Variants in SPSB4 observed in about 807,000 individuals in gnomAD.
SPSB4 encodes the protein SPRY domain-containing SOCS box protein 4.
Under a neutral mutation model 20.9 loss-of-function variants are expected in SPSB4, and 21 were observed. That is an observed-to-expected ratio of 1.01 (90% CI 0.71 to 1.45). The LOEUF (loss-of-function observed/expected upper bound fraction) is 1.45, where lower values mean the gene tolerates loss of function less well. SPSB4 is among the 40% of genes most tolerant of loss of function. SPSB4 has a pLI of 0.00. For missense variants in SPSB4, 399 were observed against 399.2 expected (o/e 1.00, Z 0.00); for synonymous variants, 207 against 183.8 (o/e 1.13, Z -1.02).
At chr3:141,067,021 T>C (rs1166562997) in intron 2 of SPSB4, among the ~76,000 whole-genome samples, 2 of 152,180 alleles carry the variant, frequency 1.3e-5, no homozygotes, top group African/African-American at 2.4e-5. Context: ...TAGCTCACAG[T>C]TGTAACGATC....
intron 1 of SPSB4, among the ~76,000 whole-genome samples, chr3:141,064,742 G>A (rs748019390): frequency 5.9e-5 from 9 of 152,148 alleles, no homozygotes; most frequent in Non-Finnish European, 1.0e-4. Context: ...GGAGGGGAGG[G>A]CACACGCCTC....
At chr3:141,059,735 G>C (rs950879736) in intron 1 of SPSB4, among the ~76,000 whole-genome samples, 3 of 152,172 alleles carry the variant, frequency 2.0e-5, no homozygotes, top group African/African-American at 7.2e-5. Context: ...TCAGTTCATA[G>C]CCAGGCACAT....
chr3:141,146,978 A>G (rs1216988242), intron 2 of SPSB4, among the ~76,000 whole-genome samples, 164 bp from the exon 3 acceptor site: 1 of 152,132 alleles, frequency 6.6e-6, no homozygotes, highest in East Asian at 1.9e-4. Flanking sequence ...ACACTCCTCT[A>G]GGCCTTCAGC....
At chr3:141,117,657 A>C (rs1938898299) in intron 2 of SPSB4, among the ~76,000 whole-genome samples, 1 of 152,062 alleles carries the variant, frequency 6.6e-6, no homozygotes, top group African/African-American at 2.4e-5. Flanking sequence ...TATAGCCCCC[A>C]TCCCCCGCCC....
chr3:141,100,456 G>C (rs980381952), intron 2 of SPSB4, among the ~76,000 whole-genome samples: 5 of 152,180 alleles, frequency 3.3e-5, no homozygotes, highest in African/African-American at 1.2e-4. Context: ...GAAAGTCAAA[G>C]ATTGCCGGTA....
At chr3:141,086,384 T>C (rs1197474331) in intron 2 of SPSB4, among the ~76,000 whole-genome samples, 1 of 152,224 alleles carries the variant, frequency 6.6e-6, no homozygotes, top group Non-Finnish European at 1.5e-5. Context: ...TTGCTTGCTG[T>C]GTGATCCTGC....
At chr3:141,113,051 C>T (rs1319840078) in intron 2 of SPSB4, among the ~76,000 whole-genome samples, 3 of 152,182 alleles carry the variant, frequency 2.0e-5, no homozygotes, top group Non-Finnish European at 4.4e-5. Context: ...GGTCAGGAAG[C>T]AGTGCTTTAA....
chr3:141,067,301 G>A (rs534609948), intron 2 of SPSB4, among the ~76,000 whole-genome samples: 1 of 152,292 alleles, frequency 6.6e-6, no homozygotes, highest in South Asian at 2.1e-4. Context: ...GCCATCTACT[G>A]TATTTGAGAG....
chr3:141,054,830 C>T (rs1223365725), intron 1 of SPSB4, among the ~76,000 whole-genome samples: 6 of 152,132 alleles, frequency 3.9e-5, no homozygotes, highest in Non-Finnish European at 5.9e-5. Context: ...CCCGGCGTGG[C>T]GGCTTGCGCC....
rs1027895577 is a variant in SPSB4, at chr3:141,051,929, G to C, written c.-217G>C. 1.3e-5 allele frequency: 2 copies of C among 152,430 alleles called. No individual in the cohort carries two copies. Among genetic ancestry groups the C allele is most frequent in the African/African-American group, 4.8e-5 (2 of 41,476 alleles). 9.4% of individuals were successfully genotyped at this position (152,430 alleles called of 1,614,324 possible). ...GGCGGCGGCAGCAGACCCCTCTCCA[G>C]GGAGTCCAGGACCTGCCAGCGCTGG... is the stretch of plus-strand genomic sequence containing the variant. On this transcript the variant is annotated 5_prime_UTR_variant, in exon 1 of 3. Coordinates refer to ENST00000310546, the MANE Select transcript of SPSB4 (RefSeq NM_080862.3).
At chr3:141,103,149 A>G (rs550925911) in intron 2 of SPSB4, among the ~76,000 whole-genome samples, 117 of 152,324 alleles carry the variant, frequency 7.7e-4, no homozygotes, top group African/African-American at 2.6e-3. Flanking sequence ...GCCTCTGAAG[A>G]CAGCAGCCTA....
intron 2 of SPSB4, among the ~76,000 whole-genome samples, chr3:141,082,618 G>GCTATGTATCTATCTATCTAT (rs113189039): frequency 6.8e-6 from 1 of 146,296 alleles, no homozygotes; most frequent in Non-Finnish European, 1.5e-5. Flanking sequence ...CAACCCAGGT[G>GCTATGTATCTATCTATCTAT]CTATCTATCT....
At chr3:141,100,215 C>T (rs950470766) in intron 2 of SPSB4, among the ~76,000 whole-genome samples, 2 of 152,152 alleles carry the variant, frequency 1.3e-5, no homozygotes, top group Admixed American at 6.5e-5. Context: ...GATTGTGTCC[C>T]CCACAAATTC....
chr3:141,054,479 G>A (rs1466026473), intron 1 of SPSB4, among the ~76,000 whole-genome samples: 1 of 152,220 alleles, frequency 6.6e-6, no homozygotes, highest in African/African-American at 2.4e-5. Context: ...TTTATTTGCT[G>A]CTGATCAGTT....
chr3:141,082,620 T>TATGTATCC (rs778871449), intron 2 of SPSB4, among the ~76,000 whole-genome samples: 1 of 95,716 alleles, frequency 1.0e-5, no homozygotes, highest in African/African-American at 4.2e-5. Context: ...ACCCAGGTGC[T>TATGTATCC]ATCTATCTAT....
intron 2 of SPSB4, among the ~76,000 whole-genome samples, chr3:141,091,605 A>G (rs981975524): frequency 6.6e-6 from 1 of 152,200 alleles, no homozygotes; most frequent in Admixed American, 6.5e-5. Flanking sequence ...GATCTCCACC[A>G]CATGTTGGTG....
At chr3:141,053,031 G>C (rs1237371195) in intron 1 of SPSB4, among the ~76,000 whole-genome samples, 1 of 152,196 alleles carries the variant, frequency 6.6e-6, no homozygotes, top group East Asian at 1.9e-4. Context: ...TCTGGAGTCA[G>C]GCTTGGGTTC....
At chr3:141,113,597 C>T (rs1246330957) in intron 2 of SPSB4, among the ~76,000 whole-genome samples, 1 of 152,088 alleles carries the variant, frequency 6.6e-6, no homozygotes, top group Non-Finnish European at 1.5e-5. Context: ...ATATTCTGGG[C>T]ATGGAATATC....
intron 2 of SPSB4, among the ~76,000 whole-genome samples, chr3:141,120,857 CTT>C (rs1204466872): frequency 2.0e-5 from 3 of 152,130 alleles, no homozygotes; most frequent in East Asian, 3.8e-4. Flanking sequence ...GGTCTTGACT[CTT>C]TATCCAATTT....
Sources: allele counts gnomAD v4.1 joint callset (sites outside exome capture counted in the v4.1 genomes callset), GRCh38; gene constraint gnomAD v4.1.1; transcripts MANE v1.5; gene names NCBI Gene and HGNC (gene_info 2026-07-23, HGNC 2026-07-21).